CELF1: variants seen among roughly 807,000 people sequenced by gnomAD.
CELF1 encodes CUGBP Elav-like family member 1.
CELF1 carries 10 observed loss-of-function variants against 61.8 expected under a neutral mutation model. The observed-to-expected ratio is 0.16, with a 90% CI of 0.10 to 0.27. CELF1 has a LOEUF of 0.27. CELF1 is among the 10% of genes least tolerant of loss of function. CELF1 has a pLI of 1.00. For synonymous variants in CELF1, 236 were observed against 225.1 expected (o/e 1.05, Z -0.43); for missense variants, 380 against 639.1 (o/e 0.59, Z 4.37).
chr11:47,507,165 G>A lies in CELF1; in HGVS notation c.-153-6233C>T, dbSNP rs117127556. On this transcript the variant is annotated intron_variant, in intron 1 of 14. Coordinates refer to ENST00000687097, the MANE Select transcript of CELF1 (RefSeq NM_001376376.1). Reference sequence around the variant, plus strand: ...TAAAAGAGTCTTGCCCTAAAATGTCGTAACAAATAGCAAAACAATGACTAA... The same window carrying A: ...TAAAAGAGTCTTGCCCTAAAATGTCATAACAAATAGCAAAACAATGACTAA... 6.1e-3 allele frequency among the ~76,000 whole-genome samples: 926 copies of A among 152,242 alleles called. 4 individuals are homozygous for A. Among genetic ancestry groups the A allele is most frequent in the Non-Finnish European group, 0.011 (733 of 67,990 alleles).
At chr11:47,482,133 G>A (rs1337977286) in intron 9 of CELF1, among the ~76,000 whole-genome samples, 1 of 152,140 alleles carries the variant, frequency 6.6e-6, no homozygotes. Flanking sequence ...AACCCGAGGT[G>A]GAGGTTGCAG....
At chr11:47,494,257 G>A (rs2092586147) in intron 3 of CELF1, 1 of 369,648 alleles carries the variant, frequency 2.7e-6, no homozygotes, top group Non-Finnish European at 3.7e-6. Flanking sequence ...AAGTGTTTTA[G>A]GGGAAAGGGA....
intron 13 of CELF1, 98 bp downstream of exon 13, chr11:47,475,238 G>C (rs764475139): frequency 1.2e-4 from 135 of 1,093,412 alleles, no homozygotes; most frequent in Non-Finnish European, 1.8e-4. Flanking sequence ...ATGGTCTGAC[G>C]ACCTAACTGG....
intron 3 of CELF1, among the ~76,000 whole-genome samples, chr11:47,493,199 T>C (rs887278194): frequency 4.8e-4 from 73 of 152,024 alleles, no homozygotes; most frequent in African/African-American, 1.7e-3. Flanking sequence ...CTTCCCTGTT[T>C]ATATACCAAT....
intron 1 of CELF1, among the ~76,000 whole-genome samples, chr11:47,529,468 CAT>C (rs1342995407): frequency 2.0e-5 from 3 of 152,146 alleles, no homozygotes; most frequent in Non-Finnish European, 4.4e-5. Context: ...GAGAAGATCA[CAT>C]GAGGCCAGGA....
chr11:47,549,098 G>A (rs2153752314), intron 1 of CELF1, among the ~76,000 whole-genome samples: 1 of 152,062 alleles, frequency 6.6e-6, no homozygotes, highest in East Asian at 1.9e-4. Flanking sequence ...AGATGGCCAT[G>A]AAAAAATAAA....
At chr11:47,497,813 C>T (rs910455860) in intron 3 of CELF1, among the ~76,000 whole-genome samples, 4 of 152,024 alleles carry the variant, frequency 2.6e-5, no homozygotes, top group Admixed American at 2.6e-4. Context: ...GTCCATGGTC[C>T]AGATTTAATG....
chr11:47,478,461 C>T (rs2081253402), intron 10 of CELF1, among the ~76,000 whole-genome samples: 1 of 152,200 alleles, frequency 6.6e-6, no homozygotes, highest in South Asian at 2.1e-4. Flanking sequence ...AAACCAAATG[C>T]CTGGGTTCTA....
intron 1 of CELF1, among the ~76,000 whole-genome samples, chr11:47,531,959 G>A (rs2096489376): frequency 6.6e-6 from 1 of 152,102 alleles, no homozygotes; most frequent in African/African-American, 2.4e-5. Context: ...TGACTGACAA[G>A]CATGACTTAA....
At chr11:47,530,926 A>G (rs2096451449) in intron 1 of CELF1, among the ~76,000 whole-genome samples, 1 of 151,970 alleles carries the variant, frequency 6.6e-6, no homozygotes, top group Non-Finnish European at 1.5e-5. Flanking sequence ...TTGCACTCCA[A>G]GCCTGGGCGA....
rs142174842 is a variant in CELF1, at chr11:47,521,207, G to A, written c.-153-20275C>T. 6.5e-4 allele frequency among the ~76,000 whole-genome samples: 99 copies of A among 152,286 alleles called. 4 individuals are homozygous for A. The East Asian group carries it at 0.017, about 26-fold the overall frequency. ...GCGGAGTTTGCAGTGAGCCGACGTC[G>A]TGCCACTGCACTCCAGCCTGGGCGA... On this transcript the variant is annotated intron_variant, in intron 1 of 14. Transcript: ENST00000687097.
At chr11:47,501,662 C>T (rs11039265) in intron 1 of CELF1, among the ~76,000 whole-genome samples, 1 of 148,478 alleles carries the variant, frequency 6.7e-6, no homozygotes, top group South Asian at 2.1e-4. Context: ...TAAAAAATAT[C>T]AAAAAAAAAA....
chr11:47,476,747 A>G, intron 12 of CELF1, 99 bp downstream of exon 12: 10 of 930,792 alleles, frequency 1.1e-5, no homozygotes, highest in Non-Finnish European at 1.6e-5. Context: ...TTTTAACTTC[A>G]CTGGGCCACT....
At chr11:47,547,449 G>T (rs372975655) in intron 1 of CELF1, among the ~76,000 whole-genome samples, 88 of 151,898 alleles carry the variant, frequency 5.8e-4, no homozygotes, top group African/African-American at 2.1e-3. Flanking sequence ...AGGCCGAGGC[G>T]GGCAGATCAC....
chr11:47,547,438 G>T (rs895916862), intron 1 of CELF1, among the ~76,000 whole-genome samples: 3 of 152,120 alleles, frequency 2.0e-5, no homozygotes, highest in Non-Finnish European at 2.9e-5. Flanking sequence ...AGCACTTTGG[G>T]AGGCCGAGGC....
chr11:47,526,603 T>C (rs763611283), intron 1 of CELF1, among the ~76,000 whole-genome samples: 12 of 152,232 alleles, frequency 7.9e-5, no homozygotes, highest in Admixed American at 7.2e-4. Flanking sequence ...AAAATGTTCT[T>C]CCATCTGAGA....
chr11:47,498,394 G>C (rs1297816970), intron 3 of CELF1, among the ~76,000 whole-genome samples: 3 of 152,170 alleles, frequency 2.0e-5, no homozygotes, highest in Admixed American at 6.5e-5. Context: ...AACAAAGCAA[G>C]ACCCTGTTTC....
chr11:47,544,491 T>C (rs2096884202), intron 1 of CELF1, among the ~76,000 whole-genome samples: 1 of 152,200 alleles, frequency 6.6e-6, no homozygotes. Flanking sequence ...ACAGCTATCC[T>C]TACCAGGCTG....
At chr11:47,495,125 A>G (rs1048640171) in intron 3 of CELF1, among the ~76,000 whole-genome samples, 2 of 152,250 alleles carry the variant, frequency 1.3e-5, no homozygotes, top group African/African-American at 4.8e-5. Context: ...GAACTGGTTA[A>G]CAGAAACAGG....
Sources: gnomAD v4.1 joint callset for allele counts (sites outside exome capture counted in the v4.1 genomes callset) on GRCh38, gnomAD v4.1.1 for gene constraint, MANE v1.5 for transcripts, NCBI Gene and HGNC (gene_info 2026-07-23, HGNC 2026-07-21) for gene names.